The following DYNC2H1 variants were observed in gnomAD, a reference collection of about 807,000 sequenced individuals.
The protein encoded by DYNC2H1 is dynein cytoplasmic 2 heavy chain 1, also known as cytoplasmic dynein 2 heavy chain 1.
Under a neutral mutation model 570.0 loss-of-function variants are expected in DYNC2H1, and 410 were observed. The ratio of observed to expected loss-of-function variants is 0.72; its 90% confidence interval spans 0.66 to 0.78. The LOEUF (loss-of-function observed/expected upper bound fraction) is 0.78. Ranked by LOEUF, DYNC2H1 falls within the 30% of genes least tolerant of loss-of-function variation. The pLI, the probability that DYNC2H1 is intolerant of heterozygous loss-of-function variation, is 0.00. For synonymous variants in DYNC2H1, 1,688 were observed against 1,677.6 expected, an observed-to-expected ratio of 1.01 and a Z score of -0.15; for missense variants, 4,865 against 5,046.4, an observed-to-expected ratio of 0.96 and a Z score of 1.09.
In DYNC2H1 at chr11:103,173,214, G is replaced by A; in HGVS notation, c.5467G>A (p.Glu1823Lys). 3 of 1,602,654 alleles carry A rather than the reference G, an allele frequency of 1.9e-6. No homozygotes were observed. In the South Asian group the frequency reaches 3.3e-5, roughly 18 times the overall value. ...RPVAMSHPDN[E>K]LIAEVILYSE... ...CGTAGCTATGTCTCATCCAGACAAT[G>A]AGCTTATTGCAGAAGTTATTCTCTA... The change falls in exon 35 of 89, where the codon GAG becomes AAG. Residue 1823 changes from glutamate to lysine, a missense_variant. Coordinates refer to ENST00000375735, the MANE Select transcript of DYNC2H1 (RefSeq NM_001377.3).
chr11:103,110,048 G>A (rs1266929182), intron 1 of DYNC2H1, among the ~76,000 whole-genome samples: 1 of 152,064 alleles, frequency 6.6e-6, no homozygotes, highest in African/African-American at 2.4e-5. Flanking sequence ...ATTTTTATAC[G>A]GAGTTTCGTT....
intron 17 of DYNC2H1, among the ~76,000 whole-genome samples, chr11:103,140,242 G>T (rs1256646736): frequency 6.6e-6 from 1 of 152,120 alleles, no homozygotes. Context: ...GTGTGAATTT[G>T]ATCCTGTCAT....
intron 1 of DYNC2H1, among the ~76,000 whole-genome samples, chr11:103,112,111 C>T (rs1172542414): frequency 2.6e-5 from 4 of 151,996 alleles, no homozygotes; most frequent in Non-Finnish European, 5.9e-5. Context: ...ATCTTTGAAG[C>T]GAGATTTGAA....
At chr11:103,350,868 C>T (rs1016406203) in intron 82 of DYNC2H1, among the ~76,000 whole-genome samples, 1 of 152,090 alleles carries the variant, frequency 6.6e-6, no homozygotes, top group African/African-American at 2.4e-5. Context: ...CCTTAATTAC[C>T]TCCTTGGAGG....
chr11:103,111,072 C>A (rs913488971), intron 1 of DYNC2H1, among the ~76,000 whole-genome samples: 1 of 152,094 alleles, frequency 6.6e-6, no homozygotes, highest in African/African-American at 2.4e-5. Flanking sequence ...GTGATCCACC[C>A]GCCTTGGCCT....
chr11:103,455,148 G>A (rs1474837658), intron 85 of DYNC2H1, 38 bp from the exon 86 acceptor site: 2 of 1,460,130 alleles, frequency 1.4e-6, no homozygotes, highest in South Asian at 1.2e-5. Flanking sequence ...ACTTATAAGT[G>A]TGTGTGTATT....
At chr11:103,135,348 A>G in intron 15 of DYNC2H1, 147 bp from the exon 16 acceptor site, 1 of 613,514 alleles carries the variant, frequency 1.6e-6, no homozygotes, top group South Asian at 6.1e-5. Context: ...ACGGAGAGTA[A>G]CAAGGATGTA....
rs185832399 is a variant in DYNC2H1, at chr11:103,395,995, C to G, written c.12157-3668C>G. On this transcript the variant is annotated intron_variant, in intron 83 of 88. Coordinates refer to ENST00000375735, the MANE Select transcript of DYNC2H1 (RefSeq NM_001377.3). The surrounding 1 kb of genome is among the most constrained non-coding windows in gnomAD (Gnocchi z 4.3). The stretch of plus-strand genomic sequence containing the variant: ...TTTTTACTTCTAATTTCCTTTTTTG[C>G]TTTTTAAAGTGACTGTTCATCGAGT... 2.7e-4 allele frequency among the ~76,000 whole-genome samples: 41 copies of G among 152,078 alleles called. No homozygotes were observed. The highest frequency in any genetic ancestry group is 9.4e-4 in the African/African-American group (39 of 41,538).
At position 103,179,080 on chromosome 11, in the gene DYNC2H1, C is replaced by T. The variant is rs1861745653; in HGVS notation, c.6194C>T (p.Ser2065Phe). The T allele has an allele frequency of 6.2e-7, 1 of 1,612,510 alleles. No individual in the cohort carries two copies. ...GATATTGACCCTGAATGGATAGAAT[C>T]TCTGAATTCTGTTCTGGATGATAAT... ...DGDIDPEWIE[S>F]LNSVLDDNRL... The change falls in exon 39 of 89, where the codon TCT becomes TTT. Residue 2065 changes from serine to phenylalanine, a missense_variant. Physicochemically the swap from Ser to Phe is radical, Grantham distance 155 (BLOSUM62 -2). This residue lies in a region of DYNC2H1 where 231 missense variants were observed against 310.3 expected (regional missense o/e 0.74). Coordinates refer to ENST00000375735, the MANE Select transcript of DYNC2H1 (RefSeq NM_001377.3).
chr11:103,411,822 T>C (rs1198151865), intron 84 of DYNC2H1, among the ~76,000 whole-genome samples: 4 of 152,108 alleles, frequency 2.6e-5, no homozygotes, highest in African/African-American at 9.7e-5. Flanking sequence ...TTTCAATATA[T>C]AAAGTATTCT....
chr11:103,454,907 C>T (rs1007997111), intron 85 of DYNC2H1: 6 of 313,434 alleles, frequency 1.9e-5, no homozygotes, highest in Non-Finnish European at 3.5e-5. Context: ...AAATGGGGTG[C>T]TGTACATTAG....
chr11:103,276,611 T>C (rs1865915962), intron 70 of DYNC2H1, among the ~76,000 whole-genome samples: 1 of 152,086 alleles, frequency 6.6e-6, no homozygotes, highest in African/African-American at 2.4e-5. Flanking sequence ...TAAAATTAAA[T>C]CACTGATTAA....
At position 103,254,186 on chromosome 11, in the gene DYNC2H1, AC is replaced by A. The variant is rs1296804434; in HGVS notation, c.10206+739del. 6.6e-6 allele frequency among the ~76,000 whole-genome samples: 1 copy of A among 152,172 alleles called. No individual in the cohort carries two copies. The highest frequency in any genetic ancestry group is 1.5e-5 in the Non-Finnish European group (1 of 68,014). On this transcript the variant is annotated intron_variant, in intron 66 of 88. Transcript: ENST00000375735. This position sits in a 1 kb window ranked among gnomAD's most constrained non-coding sequence, Gnocchi z 4.9. ...TGACTCATCAAGTATATTTTAATGAACAATATCTTTTGATTGACTTGATGAT... is the reference window on the plus strand; with the variant it reads ...TGACTCATCAAGTATATTTTAATGAAAATATCTTTTGATTGACTTGATGAT...
At chr11:103,142,533 G>A (rs1050290076) in intron 17 of DYNC2H1, among the ~76,000 whole-genome samples, 3 of 152,064 alleles carry the variant, frequency 2.0e-5, no homozygotes, top group African/African-American at 7.2e-5. Flanking sequence ...TCTGGGCATG[G>A]TGGTGGTCAC....
intron 1 of DYNC2H1, among the ~76,000 whole-genome samples, chr11:103,112,359 GTAA>G: frequency 6.6e-6 from 1 of 152,262 alleles, no homozygotes; most frequent in East Asian, 1.9e-4. Flanking sequence ...GAAGTTATTG[GTAA>G]TCTTAAGCAA....
intron 84 of DYNC2H1, chr11:103,404,254 G>A (rs1010248253): frequency 6.6e-6 from 1 of 151,606 alleles, no homozygotes; most frequent in Non-Finnish European, 1.5e-5. Context: ...ATTCATAGAG[G>A]TTATGGGATT....
At chr11:103,303,717 A>G (rs1271120797) in intron 76 of DYNC2H1, among the ~76,000 whole-genome samples, 1 of 152,144 alleles carries the variant, frequency 6.6e-6, no homozygotes, top group East Asian at 1.9e-4. Context: ...GCCCTATAGT[A>G]GTACCTTTGT....
At chr11:103,285,424 CTTT>C (rs60667279) in intron 73 of DYNC2H1, among the ~76,000 whole-genome samples, 24,135 of 136,980 alleles carry the variant, frequency 0.18, 2,109 homozygotes, top group Admixed American at 0.27. Flanking sequence ...TTTTTCTTTT[CTTT>C]TTTTTTTTTT....
At chr11:103,138,082 C>T (rs1474284019) in intron 17 of DYNC2H1, among the ~76,000 whole-genome samples, 1 of 151,110 alleles carries the variant, frequency 6.6e-6, no homozygotes, top group Admixed American at 6.6e-5. Context: ...GATTTTGTAT[C>T]CTGAGACTTT....
Sources: gnomAD v4.1 joint callset for allele counts (sites outside exome capture counted in the v4.1 genomes callset) on GRCh38, gnomAD v4.1.1 for gene constraint, gnomAD v4.1.1 regional missense constraint, Gnocchi (gnomAD v3.1) non-coding constraint, MANE v1.5 for transcripts, NCBI Gene and HGNC (gene_info 2026-07-23, HGNC 2026-07-21) for gene names.